The following PLCXD3 variants were observed in gnomAD, a reference collection of about 807,000 sequenced individuals.
PLCXD3 encodes PI-PLC X domain-containing protein 3.
In PLCXD3, 19 loss-of-function variants were observed where a neutral mutation model predicts 25.5. The observed-to-expected ratio is 0.75, with a 90% CI of 0.52 to 1.09. PLCXD3 has a LOEUF of 1.09. Ranked by LOEUF, PLCXD3 falls within the 50% of genes least tolerant of loss-of-function variation. The probability of loss-of-function intolerance (pLI) is 0.00; values close to 1 mark genes in which losing one functional copy is unlikely to be tolerated. For missense variants in PLCXD3, 411 were observed against 388.1 expected (o/e 1.06, Z -0.50); for synonymous variants, 174 against 137.6 (o/e 1.26, Z -1.85).
At chr5:41,494,715 G>A (rs1345822912) in intron 1 of PLCXD3, among the ~76,000 whole-genome samples, 1 of 152,116 alleles carries the variant, frequency 6.6e-6, no homozygotes, top group Non-Finnish European at 1.5e-5. Flanking sequence ...AAAGAGGTCT[G>A]GGCTAATGAT....
chr5:41,397,345 T>C (rs750331443), intron 1 of PLCXD3, among the ~76,000 whole-genome samples: 1 of 152,164 alleles, frequency 6.6e-6, no homozygotes, highest in Non-Finnish European at 1.5e-5. Flanking sequence ...CTTGGGACAT[T>C]TCTTCAGAGG....
rs1374852817 is a variant in PLCXD3 at position 41,404,407 on chromosome 5, T to TA, written c.104-21874dup. On this transcript the variant is annotated intron_variant, in intron 1 of 2. Coordinates refer to ENST00000377801, the MANE Select transcript of PLCXD3 (RefSeq NM_001005473.3). ...CACAAACATCTATTCACCTGAGAATTAAAAAAAAAATCACCTACACAAATG... is the reference window on the plus strand; with the variant it reads ...CACAAACATCTATTCACCTGAGAATTAAAAAAAAAAATCACCTACACAAATG... 4.9e-3 allele frequency among the ~76,000 whole-genome samples: 729 copies of TA among 149,886 alleles called. 5 individuals are homozygous for TA. The highest frequency in any genetic ancestry group is 0.017 in the African/African-American group (690 of 40,934).
At chr5:41,392,529 C>A (rs1239005961) in intron 1 of PLCXD3, among the ~76,000 whole-genome samples, 1 of 152,114 alleles carries the variant, frequency 6.6e-6, no homozygotes, top group Non-Finnish European at 1.5e-5. Flanking sequence ...AAAGCAGATA[C>A]CACTTAGATC....
chr5:41,496,887 ATATAT>A (rs1400789876), intron 1 of PLCXD3, among the ~76,000 whole-genome samples: 2 of 151,840 alleles, frequency 1.3e-5, no homozygotes, highest in Non-Finnish European at 3.0e-5. Flanking sequence ...AGCTAGAAAA[ATATAT>A]TAAAGGATAG....
At chr5:41,361,673 A>G (rs1744783690) in intron 2 of PLCXD3, among the ~76,000 whole-genome samples, 1 of 152,262 alleles carries the variant, frequency 6.6e-6, no homozygotes, top group Admixed American at 6.5e-5. Context: ...AAATAAAAGG[A>G]TGAATAAATG....
At chr5:41,331,761 C>T (rs969246016) in intron 2 of PLCXD3, among the ~76,000 whole-genome samples, 5 of 152,108 alleles carry the variant, frequency 3.3e-5, no homozygotes, top group African/African-American at 1.2e-4. Context: ...ACCAATGGAA[C>T]AGAACAGAGT....
At chr5:41,445,462 G>A (rs1747472492) in intron 1 of PLCXD3, among the ~76,000 whole-genome samples, 1 of 152,184 alleles carries the variant, frequency 6.6e-6, no homozygotes, top group South Asian at 2.1e-4. Flanking sequence ...CATTCAGAAG[G>A]TAAAGAATTT....
rs115870979 is a variant in PLCXD3, at chr5:41,339,506, A to G, written c.813-25736T>C. On this transcript the variant is annotated intron_variant, in intron 2 of 2. Coordinates refer to ENST00000377801, the MANE Select transcript of PLCXD3 (RefSeq NM_001005473.3). ...CGTATGTGAATAGTTGGTCATGTAA[A>G]TTATCTGCCTGACTGACTGAGTCTG... 4.3e-3 allele frequency among the ~76,000 whole-genome samples: 657 copies of G among 152,160 alleles called. 8 individuals are homozygous for G. Among genetic ancestry groups the G allele is most frequent in the African/African-American group, 0.015 (622 of 41,490 alleles).
chr5:41,421,839 T>TA (rs1423044833), intron 1 of PLCXD3, among the ~76,000 whole-genome samples: 1 of 152,214 alleles, frequency 6.6e-6, no homozygotes, highest in Admixed American at 6.5e-5. Flanking sequence ...TCAGGTGTGC[T>TA]AAAAAACTTT....
chr5:41,315,831 G>A (rs546680389), intron 2 of PLCXD3, among the ~76,000 whole-genome samples: 83 of 152,238 alleles, frequency 5.5e-4, no homozygotes, highest in African/African-American at 1.9e-3. Context: ...CTCAGCGGAC[G>A]CCCAGTCACA....
intron 1 of PLCXD3, among the ~76,000 whole-genome samples, chr5:41,427,155 A>G (rs1402994831): frequency 2.6e-5 from 4 of 152,120 alleles, no homozygotes; most frequent in Non-Finnish European, 5.9e-5. Flanking sequence ...TCATGTTTCT[A>G]ATTAAATCTG....
intron 1 of PLCXD3, among the ~76,000 whole-genome samples, chr5:41,437,099 T>C (rs2150510516): frequency 6.6e-6 from 1 of 152,350 alleles, no homozygotes; most frequent in East Asian, 1.9e-4. Context: ...CTGTACTTAT[T>C]TCCTCTTATC....
chr5:41,346,969 C>T (rs575111079), intron 2 of PLCXD3, among the ~76,000 whole-genome samples: 1 of 152,328 alleles, frequency 6.6e-6, no homozygotes, highest in South Asian at 2.1e-4. Context: ...TCAACATCCA[C>T]GTGCAGGTTT....
intron 1 of PLCXD3, among the ~76,000 whole-genome samples, chr5:41,392,450 A>G (rs1745858595): frequency 6.6e-6 from 1 of 152,178 alleles, no homozygotes; most frequent in Non-Finnish European, 1.5e-5. Flanking sequence ...GATCTGAACC[A>G]AGACAATAAA....
At chr5:41,396,896 A>G (rs4383755) in intron 1 of PLCXD3, among the ~76,000 whole-genome samples, 139,569 of 152,266 alleles carry the variant, frequency 0.92, 64,399 homozygotes, top group African/African-American at 0.96. Flanking sequence ...TATCTGGCTG[A>G]AGAAATTTCT....
rs192173771 is a variant in PLCXD3 at position 41,502,104 on chromosome 5, G to A, written c.103+8320C>T. On this transcript the variant is annotated intron_variant, in intron 1 of 2. Transcript: ENST00000377801. ...AAACTGATGACACAGGAAAGAGAGA[G>A]TGGATAAATTCAAAAGTAAGCTTTG... Among the ~76,000 whole-genome samples the A allele has an allele frequency of 8.5e-4, 129 of 152,182 alleles. No individual in the cohort carries two copies. In the Middle Eastern group the frequency reaches 0.017, roughly 20 times the overall value.
chr5:41,467,510 C>T (rs543118632), intron 1 of PLCXD3, among the ~76,000 whole-genome samples: 12 of 152,224 alleles, frequency 7.9e-5, no homozygotes, highest in African/African-American at 2.9e-4. Flanking sequence ...GTCATCACTT[C>T]ACTTTGTTAT....
At chr5:41,423,305 AG>A (rs1196994519) in intron 1 of PLCXD3, among the ~76,000 whole-genome samples, 1 of 152,086 alleles carries the variant, frequency 6.6e-6, no homozygotes, top group Non-Finnish European at 1.5e-5. Flanking sequence ...GTTAGAATAA[AG>A]TTTTTTTATG....
At chr5:41,399,908 C>G (rs1262250640) in intron 1 of PLCXD3, among the ~76,000 whole-genome samples, 1 of 151,886 alleles carries the variant, frequency 6.6e-6, no homozygotes, top group Non-Finnish European at 1.5e-5. Context: ...TGAAGAGATA[C>G]AGAATGGGAA....
Sources: allele counts gnomAD v4.1 joint callset (sites outside exome capture counted in the v4.1 genomes callset), GRCh38; gene constraint gnomAD v4.1.1; transcripts MANE v1.5; gene names NCBI Gene and HGNC (gene_info 2026-07-23, HGNC 2026-07-21).